Variants in CDKL5 observed in about 807,000 individuals in gnomAD.
The protein encoded by CDKL5 is cyclin dependent kinase like 5, also known as cyclin-dependent kinase-like 5.
CDKL5 carries 8 observed loss-of-function variants against 61.7 expected under a neutral mutation model. That is an observed-to-expected ratio of 0.13 (90% confidence interval 0.08 to 0.23). The LOEUF is 0.23. Among genes scored for constraint, CDKL5 ranks in the 10% least tolerant of loss-of-function variants. CDKL5 has a pLI of 1.00. For missense variants in CDKL5, 440 were observed against 734.5 expected (o/e 0.60, Z 4.63); for synonymous variants, 275 against 272.3 (o/e 1.01, Z -0.10).
intron 15 of CDKL5, among the ~76,000 whole-genome samples, chrX:18,614,960 A>G (rs933922472): frequency 8.9e-6 from 1 of 112,740 alleles, no homozygotes; most frequent in African/African-American, 3.2e-5. Flanking sequence ...CAAATTTGAG[A>G]TAGACAGTGT....
rs534393813 is a variant in CDKL5 at position 18,439,702 on chromosome X, T to C, written c.-163+14007T>C. On this transcript the variant is annotated intron_variant, in intron 1 of 17. Transcript: ENST00000623535. ...AATATACAAAATTAGCTGGGTGTGG[T>C]GGCTCCCACCTGTAATCCCAGCTAC... Among the ~76,000 whole-genome samples the C allele has an allele frequency of 3.2e-4, 35 of 109,796 alleles. No homozygotes were observed. In the South Asian group the frequency reaches 0.013, roughly 41 times the overall value.
rs1363643105 is a variant in CDKL5 at position 18,482,550 on chromosome X, TG to T, written c.-162-24384del. 8.5e-3 allele frequency among the ~76,000 whole-genome samples: 948 copies of T among 111,847 alleles called. 10 individuals carry two copies. The highest frequency in any genetic ancestry group is 0.029 in the African/African-American group (884 of 30,864). On this transcript the variant is annotated intron_variant, in intron 1 of 17. Coordinates refer to ENST00000623535, the MANE Select transcript of CDKL5 (RefSeq NM_001323289.2). ...TGTATTGTTTCTGTGATGTCTTTCATGAAACTTCTTAGGGCTAAAGGTAATT... is the reference window on the plus strand; with the variant it reads ...TGTATTGTTTCTGTGATGTCTTTCATAAACTTCTTAGGGCTAAAGGTAATT...
chrX:18,477,622 A>C (rs1921366436), intron 1 of CDKL5, among the ~76,000 whole-genome samples: 1 of 109,942 alleles, frequency 9.1e-6, no homozygotes, highest in African/African-American at 3.3e-5. Flanking sequence ...TTATTTTCTT[A>C]GTGTTGCTCT....
chrX:18,586,508 G>T (rs1159295171), intron 8 of CDKL5, among the ~76,000 whole-genome samples: 3 of 111,706 alleles, frequency 2.7e-5, no homozygotes, highest in African/African-American at 9.8e-5. Context: ...AAAAACTGGA[G>T]TTATGTTTAG....
chrX:18,652,877 T>C (rs1928110989), intron 21 of CDKL5, among the ~76,000 whole-genome samples: 1 of 112,631 alleles, frequency 8.9e-6, no homozygotes, highest in Admixed American at 9.4e-5. Flanking sequence ...ATTTGCAATA[T>C]GTTACCAGCC....
chrX:18,609,355 C>T, intron 13 of CDKL5, 110 bp from the exon 14 acceptor site: 2 of 1,161,676 alleles, frequency 1.7e-6, no homozygotes, highest in Non-Finnish European at 2.3e-6. Context: ...GATCCTACTA[C>T]TGCACTACAG....
intron 3 of CDKL5, 60 bp downstream of exon 3, chrX:18,510,914 G>A (rs1922803749): frequency 1.2e-6 from 1 of 859,541 alleles, no homozygotes; most frequent in East Asian, 3.1e-5. Flanking sequence ...TGAAACTAAT[G>A]TAGTGGTCTT....
At chrX:18,618,064 G>A (rs1001121192) in intron 15 of CDKL5, among the ~76,000 whole-genome samples, 1 of 112,236 alleles carries the variant, frequency 8.9e-6, no homozygotes. Flanking sequence ...TCCTAGGACT[G>A]GTGTCTCAAG....
At chrX:18,447,929 C>G (rs1372968679) in intron 1 of CDKL5, among the ~76,000 whole-genome samples, 1 of 110,110 alleles carries the variant, frequency 9.1e-6, no homozygotes, top group Non-Finnish European at 1.9e-5. Context: ...TGTATCCTCA[C>G]CCTGTAAAAA....
intron 1 of CDKL5, among the ~76,000 whole-genome samples, chrX:18,463,758 A>G (rs1321595135): frequency 8.0e-5 from 9 of 112,207 alleles, no homozygotes; most frequent in Non-Finnish European, 1.7e-4. Flanking sequence ...AAGAAGAAAA[A>G]AGATGAAACA....
In CDKL5 at chrX:18,550,429, G is replaced by GGACT. The variant is rs756803131; in HGVS notation, c.100-14046_100-14043dup. On this transcript the variant is annotated intron_variant, in intron 3 of 17. Coordinates refer to ENST00000623535, the MANE Select transcript of CDKL5 (RefSeq NM_001323289.2). Reference sequence around the variant, plus strand: ...CCTGAACAAGACTATAAACCAGAAGGGACTGCACTACCATATAATGCAAGT... The same window carrying GGACT: ...CCTGAACAAGACTATAAACCAGAAGGGACTGACTGCACTACCATATAATGCAAGT... 3.6e-5 allele frequency among the ~76,000 whole-genome samples: 4 copies of GGACT among 111,634 alleles called. No homozygotes were observed. The South Asian group carries it at 1.5e-3, about 41-fold the overall frequency.
At chrX:18,619,144 C>G (rs955894384) in intron 15 of CDKL5, among the ~76,000 whole-genome samples, 1 of 105,097 alleles carries the variant, frequency 9.5e-6, no homozygotes, top group Non-Finnish European at 1.9e-5. Flanking sequence ...CTTTTCCCCC[C>G]GCCCCGTGAA....
intron 1 of CDKL5, among the ~76,000 whole-genome samples, chrX:18,501,509 A>G (rs1318075408): frequency 9.0e-6 from 1 of 110,577 alleles, no homozygotes; most frequent in Non-Finnish European, 1.9e-5. Flanking sequence ...TTTGACTGCC[A>G]CAAAGAATAG....
intron 3 of CDKL5, among the ~76,000 whole-genome samples, chrX:18,542,385 T>G (rs1385665456): frequency 8.9e-6 from 1 of 111,987 alleles, no homozygotes; most frequent in African/African-American, 3.3e-5. Context: ...TTTCACTGTT[T>G]TGTGGCTGGG....
rs1925488897 is a variant in CDKL5, at chrX:18,581,841, G to A, written c.404-50G>A. The A allele has an allele frequency of 4.9e-6, 4 of 820,602 alleles. No individual in the cohort carries two copies. In the East Asian group the frequency reaches 1.3e-4, roughly 26 times the overall value. The allele number at this position is 820,602 out of a possible 1,213,427, so 67.6% of individuals were successfully genotyped here. ...TACAGTGATCTAACAGTGTCAATCA[G>A]GAGAACATAGAACATTTTTACTAAT... On this transcript the variant is annotated intron_variant, in intron 6 of 17. Coordinates refer to ENST00000623535, the MANE Select transcript of CDKL5 (RefSeq NM_001323289.2).
chrX:18,650,670 A>G, intron 21 of CDKL5: 1 of 1,068,961 alleles, frequency 9.4e-7, no homozygotes. Context: ...AGAAATGCAG[A>G]TGTTCAGGCC....
chrX:18,611,937 G>T (rs952532253), intron 14 of CDKL5, among the ~76,000 whole-genome samples: 4 of 111,393 alleles, frequency 3.6e-5, no homozygotes, highest in Non-Finnish European at 7.5e-5. Context: ...ATTCCTATTG[G>T]TCAAGAGTCA....
chrX:18,567,203 G>A (rs1488207178), intron 4 of CDKL5, among the ~76,000 whole-genome samples: 2 of 111,526 alleles, frequency 1.8e-5, no homozygotes, highest in Admixed American at 1.9e-4. Context: ...AGTGTGAAGT[G>A]TATATAGATA....
intron 21 of CDKL5, among the ~76,000 whole-genome samples, chrX:18,652,718 T>C (rs1172463012): frequency 8.9e-6 from 1 of 111,961 alleles, no homozygotes. Context: ...GAATATGACC[T>C]TCCCAAGTTT....
Sources: gnomAD v4.1 joint callset for allele counts (sites outside exome capture counted in the v4.1 genomes callset) on GRCh38, gnomAD v4.1.1 for gene constraint, MANE v1.5 for transcripts, NCBI Gene and HGNC (gene_info 2026-07-23, HGNC 2026-07-21) for gene names.